The following SGCD variants were observed in gnomAD, a reference collection of about 807,000 sequenced individuals.
The protein encoded by SGCD is sarcoglycan delta.
SGCD carries 18 observed loss-of-function variants against 36.6 expected under a neutral mutation model. The observed-to-expected ratio is 0.49, with a 90% CI of 0.34 to 0.73. The LOEUF (loss-of-function observed/expected upper bound fraction) is 0.73, where lower values mean the gene tolerates loss of function less well. Among genes scored for constraint, SGCD ranks in the 30% least tolerant of loss-of-function variants. SGCD has a pLI of 0.01. For synonymous variants in SGCD, 133 were observed against 130.6 expected (o/e 1.02, Z -0.12); for missense variants, 387 against 346.7 (o/e 1.12, Z -0.92).
At chr5:156,358,454 C>G (rs1769600327) in intron 3 of SGCD, among the ~76,000 whole-genome samples, 1 of 152,166 alleles carries the variant, frequency 6.6e-6, no homozygotes, top group Non-Finnish European at 1.5e-5. Flanking sequence ...CTCTTCAAGT[C>G]AATTATTACT....
chr5:156,108,375 G>A (rs764847171), intron 1 of SGCD, among the ~76,000 whole-genome samples: 2 of 152,032 alleles, frequency 1.3e-5, no homozygotes, highest in South Asian at 2.1e-4. Context: ...CTTAATCACT[G>A]TAAAATTTGG....
At chr5:156,237,042 C>T (rs1363475320) in intron 3 of SGCD, among the ~76,000 whole-genome samples, 1 of 150,620 alleles carries the variant, frequency 6.6e-6, no homozygotes, top group Non-Finnish European at 1.5e-5. Flanking sequence ...ACCATGTTGG[C>T]CAGGCTGGTC....
intron 1 of SGCD, among the ~76,000 whole-genome samples, chr5:156,086,839 A>T (rs548850158): frequency 1.3e-5 from 2 of 152,338 alleles, no homozygotes; most frequent in Admixed American, 1.3e-4. Flanking sequence ...AAAATAGGGT[A>T]TTTGGTTACA....
chr5:156,376,259 T>C (rs997100098), intron 3 of SGCD, among the ~76,000 whole-genome samples: 4 of 152,234 alleles, frequency 2.6e-5, no homozygotes, highest in Admixed American at 2.6e-4. Flanking sequence ...ACAGCAAACA[T>C]AGAGTGAGAG....
At chr5:156,385,590 T>G (rs759512725) in intron 3 of SGCD, among the ~76,000 whole-genome samples, 1 of 152,210 alleles carries the variant, frequency 6.6e-6, no homozygotes, top group Non-Finnish European at 1.5e-5. Context: ...GTTGAGGATA[T>G]TAGAGTTAGA....
At chr5:156,146,029 T>C (rs529813035) in intron 3 of SGCD, among the ~76,000 whole-genome samples, 73 of 152,154 alleles carry the variant, frequency 4.8e-4, no homozygotes, top group South Asian at 2.9e-3. Flanking sequence ...CTGGCTAACA[T>C]GGTGAAACCC....
chr5:155,743,467 C>T, the SGCD span, among the ~76,000 whole-genome samples: 1 of 152,186 alleles, frequency 6.6e-6, no homozygotes, highest in Admixed American at 6.5e-5. Context: ...GTCACAATAA[C>T]ACAAACTAAG....
At chr5:155,827,294 A>C in the SGCD span, among the ~76,000 whole-genome samples, 81 of 152,330 alleles carry the variant, frequency 5.3e-4, no homozygotes, top group African/African-American at 1.8e-3. Context: ...GAGTGGGGAC[A>C]TCAGGGATGT....
chr5:156,019,769 C>T (rs1759058659), intron 1 of SGCD, among the ~76,000 whole-genome samples: 2 of 152,214 alleles, frequency 1.3e-5, no homozygotes, highest in Non-Finnish European at 2.9e-5. Flanking sequence ...GAAGCCCTTT[C>T]TCATGACCAT....
At chr5:156,046,811 A>G (rs1018318850) in intron 1 of SGCD, among the ~76,000 whole-genome samples, 1 of 152,166 alleles carries the variant, frequency 6.6e-6, no homozygotes, top group African/African-American at 2.4e-5. Context: ...GAAGGGAAGT[A>G]TCACATATCT....
chr5:156,193,549 G>T (rs768737787), intron 3 of SGCD, among the ~76,000 whole-genome samples: 2 of 152,056 alleles, frequency 1.3e-5, no homozygotes, highest in African/African-American at 2.4e-5. Flanking sequence ...CTCCTTACGG[G>T]CCAGACTCAT....
rs564130197 is a variant in SGCD at position 156,376,468 on chromosome 5, A to G, written c.192+31791A>G. On this transcript the variant is annotated intron_variant, in intron 3 of 8. Coordinates refer to ENST00000337851, the MANE Select transcript of SGCD (RefSeq NM_000337.6). ...ATAAATTTTTGATGAACTAATCTCC[A>G]GAAGTCTATAATCATGCATATGTAA... 2.6e-5 allele frequency among the ~76,000 whole-genome samples: 4 copies of G among 152,354 alleles called. No individual in the cohort carries two copies. In the South Asian group the frequency reaches 6.2e-4, roughly 24 times the overall value.
At position 156,617,654 on chromosome 5, in the gene SGCD, A is replaced by G. The variant is rs571578833; in HGVS notation, c.502+22603A>G. ...GCTGAGGAGAGGGATCAGAGAGTCT[A>G]TTCACGTAACTTAAAACAGTTGGAA... On this transcript the variant is annotated intron_variant, in intron 6 of 8. Transcript: ENST00000337851. 3.3e-5 allele frequency among the ~76,000 whole-genome samples: 5 copies of G among 152,320 alleles called. No homozygotes were observed. The South Asian group carries it at 6.2e-4, about 19-fold the overall frequency.
intron 3 of SGCD, among the ~76,000 whole-genome samples, chr5:156,429,282 T>A (rs1415405190): frequency 2.7e-5 from 4 of 148,178 alleles, no homozygotes; most frequent in Non-Finnish European, 4.5e-5. Context: ...TTTTTTTTTT[T>A]ACTGTTCTTG....
intron 7 of SGCD, among the ~76,000 whole-genome samples, chr5:156,717,770 A>G (rs1343492943): frequency 6.6e-6 from 1 of 152,040 alleles, no homozygotes; most frequent in East Asian, 1.9e-4. Context: ...CCACTGAAAA[A>G]TTCCTCAAAC....
intron 6 of SGCD, among the ~76,000 whole-genome samples, chr5:156,599,588 C>G (rs1761083603): frequency 6.6e-6 from 1 of 152,154 alleles, no homozygotes. Flanking sequence ...CCCACCTATT[C>G]AGTTTTTAGG....
At position 156,723,850 on chromosome 5, in the gene SGCD, A is replaced by AGTGTGTGTGTGT. The variant is rs60939391; in HGVS notation, c.576-33714_576-33703dup. The stretch of plus-strand genomic sequence containing the variant: ...GAGTCCACTGAAGTGTTTTAAGCCA[A>AGTGTGTGTGTGT]GTGTGTGTGTGTGTGTGTGTGTGTG... On this transcript the variant is annotated intron_variant, in intron 7 of 8. Transcript: ENST00000337851. Among the ~76,000 whole-genome samples the AGTGTGTGTGTGT allele has an allele frequency of 2.0e-3, 298 of 150,096 alleles. 2 individuals are homozygous for AGTGTGTGTGTGT. The highest frequency in any genetic ancestry group is 7.1e-3 in the African/African-American group (293 of 40,986).
intron 6 of SGCD, among the ~76,000 whole-genome samples, chr5:156,627,672 G>T (rs192026463): frequency 1.8e-4 from 28 of 152,058 alleles, no homozygotes; most frequent in African/African-American, 6.3e-4. Context: ...CAGTTAAAAG[G>T]CTCTACATTC....
At chr5:155,828,688 T>A in the SGCD span, among the ~76,000 whole-genome samples, 54 of 152,088 alleles carry the variant, frequency 3.6e-4, no homozygotes, top group African/African-American at 9.4e-4. Flanking sequence ...ATTTTTTTTT[T>A]TATATTTTAT....
Sources: allele counts gnomAD v4.1 joint callset (sites outside exome capture counted in the v4.1 genomes callset), GRCh38; gene constraint gnomAD v4.1.1; transcripts MANE v1.5; gene names NCBI Gene and HGNC (gene_info 2026-07-23, HGNC 2026-07-21).